The following SNTG2 variants were observed in gnomAD, a reference collection of about 807,000 sequenced individuals.
The protein encoded by SNTG2 is gamma-2-syntrophin.
SNTG2 carries 74 observed loss-of-function variants against 70.9 expected under a neutral mutation model. The ratio of observed to expected loss-of-function variants is 1.04; its 90% CI spans 0.86 to 1.27. The LOEUF (loss-of-function observed/expected upper bound fraction) is 1.27. Ranked by LOEUF, SNTG2 falls within the 50% of genes most tolerant of loss-of-function variation. The pLI is 0.00. For synonymous variants in SNTG2, 278 were observed against 273.8 expected, an observed-to-expected ratio of 1.02 and a Z score of -0.15; for missense variants, 717 against 690.7, an observed-to-expected ratio of 1.04 and a Z score of -0.43.
intron 4 of SNTG2, among the ~76,000 whole-genome samples, chr2:1,116,449 G>C (rs1219266062): frequency 2.0e-5 from 3 of 151,984 alleles, no homozygotes; most frequent in African/African-American, 4.8e-5. Flanking sequence ...GGGGTGCTCT[G>C]GTGTGTGGGT....
intron 14 of SNTG2, among the ~76,000 whole-genome samples, chr2:1,300,049 C>T (rs896236784): frequency 1.3e-5 from 2 of 151,842 alleles, no homozygotes; most frequent in Non-Finnish European, 2.9e-5. Context: ...ACCATCACCG[C>T]TCTGAAGGGC....
At chr2:1,236,249 A>G (rs566590558) in intron 9 of SNTG2, among the ~76,000 whole-genome samples, 1 of 152,376 alleles carries the variant, frequency 6.6e-6, no homozygotes. Context: ...CACCTAATTC[A>G]TGTGGAATAT....
rs576418074 is a variant in SNTG2 at position 1,052,515 on chromosome 2, G to T, written c.73-31003G>T. ...CTCCTTATTTCTCACTTCTTCCAGA[G>T]AACTGTTCTTTGGCTTTGTTCATTA... On this transcript the variant is annotated intron_variant, in intron 1 of 16. Transcript: ENST00000308624. Among the ~76,000 whole-genome samples, 13 of 152,200 alleles carry T rather than the reference G, an allele frequency of 8.5e-5. No individual in the cohort carries two copies. The South Asian group carries it at 2.3e-3, about 27-fold the overall frequency.
intron 4 of SNTG2, among the ~76,000 whole-genome samples, chr2:1,113,429 A>C (rs1010073486): frequency 4.0e-5 from 6 of 149,894 alleles, no homozygotes; most frequent in Non-Finnish European, 7.4e-5. Flanking sequence ...TATGAGAACC[A>C]TGTGTACTAA....
At chr2:1,153,145 C>T (rs1238607679) in intron 6 of SNTG2, among the ~76,000 whole-genome samples, 1 of 150,682 alleles carries the variant, frequency 6.6e-6, no homozygotes, top group Non-Finnish European at 1.5e-5. Context: ...AAAATGCCTT[C>T]ACAACAACAC....
chr2:1,183,502 T>G (rs1365290647), intron 8 of SNTG2, among the ~76,000 whole-genome samples: 1 of 152,186 alleles, frequency 6.6e-6, no homozygotes, highest in Admixed American at 6.5e-5. Context: ...TTCACATTCT[T>G]GCATCATTTC....
chr2:1,166,806 C>T lies in SNTG2; in HGVS notation c.499+1171C>T, dbSNP rs142150647. ...CCTAGTGGGCAGAGACACAAGTGGC[C>T]GGATGTGGAGAAGAGCAGAGGAGCG... On this transcript the variant is annotated intron_variant, in intron 7 of 16. Transcript: ENST00000308624. Among the ~76,000 whole-genome samples the T allele has an allele frequency of 6.4e-4, 97 of 152,256 alleles. No individual in the cohort carries two copies. In the South Asian group the frequency reaches 6.6e-3, roughly 10 times the overall value.
intron 2 of SNTG2, among the ~76,000 whole-genome samples, chr2:1,089,788 A>G (rs1442755041): frequency 6.6e-6 from 1 of 152,246 alleles, no homozygotes; most frequent in Non-Finnish European, 1.5e-5. Context: ...TCTGCCAAAC[A>G]TTTTTATTTT....
chr2:1,326,406 C>A (rs1681761084), intron 16 of SNTG2, among the ~76,000 whole-genome samples: 1 of 152,110 alleles, frequency 6.6e-6, no homozygotes, highest in African/African-American at 2.4e-5. Context: ...TATCAAATAT[C>A]TCAAAGGTTT....
intron 8 of SNTG2, among the ~76,000 whole-genome samples, chr2:1,199,411 A>G (rs928945986): frequency 1.3e-5 from 2 of 152,138 alleles, no homozygotes; most frequent in East Asian, 1.9e-4. Flanking sequence ...CATGACTAGT[A>G]TTGTAGTGAA....
intron 2 of SNTG2, among the ~76,000 whole-genome samples, chr2:1,091,478 T>C (rs534858513): frequency 3.3e-5 from 5 of 152,196 alleles, no homozygotes; most frequent in Admixed American, 6.5e-5. Context: ...GAGACTCTGA[T>C]GCCAGGACGC....
chr2:1,022,347 G>A (rs952141012), intron 1 of SNTG2, among the ~76,000 whole-genome samples: 38 of 151,702 alleles, frequency 2.5e-4, no homozygotes, highest in Middle Eastern at 6.9e-3. Flanking sequence ...GTTCCCGTGA[G>A]CCTGTGCGTT....
chr2:1,243,899 G>C (rs1004792380), intron 11 of SNTG2, among the ~76,000 whole-genome samples: 1 of 152,186 alleles, frequency 6.6e-6, no homozygotes, highest in African/African-American at 2.4e-5. Context: ...GGTGGCACGC[G>C]CCTGTAATCC....
chr2:1,257,269 C>G (rs1457973629), intron 12 of SNTG2, among the ~76,000 whole-genome samples: 1 of 152,180 alleles, frequency 6.6e-6, no homozygotes, highest in Non-Finnish European at 1.5e-5. Context: ...GAGGCACATT[C>G]TCTTCCCTGA....
At chr2:1,178,542 C>T (rs965273731) in intron 8 of SNTG2, among the ~76,000 whole-genome samples, 7 of 152,164 alleles carry the variant, frequency 4.6e-5, no homozygotes, top group African/African-American at 1.7e-4. Flanking sequence ...AAGGCCTTTT[C>T]TGCATCTATT....
chr2:1,223,307 G>T (rs901784466), intron 9 of SNTG2, among the ~76,000 whole-genome samples: 8 of 150,424 alleles, frequency 5.3e-5, no homozygotes, highest in Non-Finnish European at 7.4e-5. Context: ...TGCTGGAGGT[G>T]CTGGATCGCT....
intron 1 of SNTG2, among the ~76,000 whole-genome samples, chr2:966,068 G>C (rs938144859): frequency 6.6e-6 from 1 of 152,206 alleles, no homozygotes; most frequent in Non-Finnish European, 1.5e-5. Flanking sequence ...TGCATGCCCA[G>C]GGTCCCCCGC....
At chr2:1,212,676 C>G (rs982913755) in intron 9 of SNTG2, among the ~76,000 whole-genome samples, 9 of 152,150 alleles carry the variant, frequency 5.9e-5, no homozygotes, top group African/African-American at 2.2e-4. Context: ...CCTGTTTGTT[C>G]TGAAACATAT....
intron 1 of SNTG2, among the ~76,000 whole-genome samples, chr2:1,003,557 G>A (rs1322424918): frequency 6.6e-6 from 1 of 152,172 alleles, no homozygotes; most frequent in Non-Finnish European, 1.5e-5. Flanking sequence ...TCTAGAGAGA[G>A]GCCCAGGATT....
Sources: allele counts gnomAD v4.1 joint callset (sites outside exome capture counted in the v4.1 genomes callset), GRCh38; gene constraint gnomAD v4.1.1; transcripts MANE v1.5; gene names NCBI Gene and HGNC (gene_info 2026-07-23, HGNC 2026-07-21).